The following ASIC2 variants were observed in gnomAD, a reference collection of about 807,000 sequenced individuals.
ASIC2 encodes the protein acid-sensing ion channel 2.
Under a neutral mutation model 57.3 loss-of-function variants are expected in ASIC2, and 25 were observed. That is an observed-to-expected ratio of 0.44 (90% confidence interval 0.32 to 0.61). The LOEUF is 0.61. Among genes scored for constraint, ASIC2 ranks in the 20% least tolerant of loss-of-function variants. The pLI is 0.06. For missense variants in ASIC2, 641 were observed against 738.1 expected (o/e 0.87, Z 1.52); for synonymous variants, 319 against 307.5 (o/e 1.04, Z -0.39).
chr17:33,707,137 T>C (rs1908887526), intron 1 of ASIC2, among the ~76,000 whole-genome samples: 2 of 152,256 alleles, frequency 1.3e-5, no homozygotes. Flanking sequence ...GCTTTTGTTA[T>C]TTCTGATCTC....
At chr17:33,652,686 C>T (rs1380507962) in intron 1 of ASIC2, among the ~76,000 whole-genome samples, 5 of 152,212 alleles carry the variant, frequency 3.3e-5, no homozygotes, top group African/African-American at 4.8e-5. Context: ...CCCTCAACTC[C>T]GTTGCTGATC....
chr17:33,175,430 A>C (rs1905711165), intron 1 of ASIC2, among the ~76,000 whole-genome samples: 1 of 152,044 alleles, frequency 6.6e-6, no homozygotes, highest in African/African-American at 2.4e-5. Flanking sequence ...TTTATTTTTA[A>C]AAGCTCTTCA....
intron 1 of ASIC2, among the ~76,000 whole-genome samples, chr17:33,996,531 T>C (rs1298436100): frequency 6.6e-6 from 1 of 152,206 alleles, no homozygotes; most frequent in Admixed American, 6.5e-5. Flanking sequence ...ATTTTTTACA[T>C]AGTATGAGAT....
chr17:33,284,749 C>T (rs996139909), intron 1 of ASIC2, among the ~76,000 whole-genome samples: 3 of 152,166 alleles, frequency 2.0e-5, no homozygotes, highest in Non-Finnish European at 2.9e-5. Context: ...CCTTGAGCCT[C>T]GGCTTTCTCA....
At chr17:33,380,016 T>C (rs1909422931) in intron 1 of ASIC2, among the ~76,000 whole-genome samples, 1 of 151,538 alleles carries the variant, frequency 6.6e-6, no homozygotes, top group South Asian at 2.1e-4. Flanking sequence ...GAGGCTGAGG[T>C]GGGCAGATCA....
chr17:33,122,331 T>G (rs1202231681), intron 1 of ASIC2, among the ~76,000 whole-genome samples: 1 of 152,122 alleles, frequency 6.6e-6, no homozygotes, highest in Non-Finnish European at 1.5e-5. Flanking sequence ...GAGCACATCT[T>G]AGTCTACGTT....
intron 3 of ASIC2, 123 bp from the exon 4 acceptor site, chr17:33,028,515 A>G: frequency 8.1e-7 from 1 of 1,231,022 alleles, no homozygotes; most frequent in Non-Finnish European, 1.1e-6. Context: ...TAGACCTTCA[A>G]CATCTGGCTC....
intron 1 of ASIC2, among the ~76,000 whole-genome samples, chr17:33,860,916 T>A (rs2141923653): frequency 6.6e-6 from 1 of 152,334 alleles, no homozygotes; most frequent in South Asian, 2.1e-4. Context: ...TAAGGCATGA[T>A]CTCTGTCTTT....
At chr17:33,551,004 G>C (rs952854868) in intron 1 of ASIC2, among the ~76,000 whole-genome samples, 1 of 152,120 alleles carries the variant, frequency 6.6e-6, no homozygotes, top group Non-Finnish European at 1.5e-5. Context: ...ACTTTGTTCT[G>C]TGCAGGATTT....
At chr17:33,365,084 C>G (rs977770275) in intron 1 of ASIC2, among the ~76,000 whole-genome samples, 1 of 152,160 alleles carries the variant, frequency 6.6e-6, no homozygotes, top group African/African-American at 2.4e-5. Flanking sequence ...TTATCATTAC[C>G]CCTCTGCTTC....
chr17:33,503,116 G>A (rs1367088591), intron 1 of ASIC2, among the ~76,000 whole-genome samples: 1 of 152,134 alleles, frequency 6.6e-6, no homozygotes, highest in Admixed American at 6.5e-5. Flanking sequence ...GAAACGTCAA[G>A]GAAGACAATG....
At chr17:34,102,818 A>T (rs1910913609) in intron 1 of ASIC2, among the ~76,000 whole-genome samples, 1 of 152,212 alleles carries the variant, frequency 6.6e-6, no homozygotes, top group South Asian at 2.1e-4. Flanking sequence ...ATTTGTTTGC[A>T]TTTCTCTTGG....
At chr17:33,276,097 G>A (rs1170641086) in intron 1 of ASIC2, among the ~76,000 whole-genome samples, 2 of 152,144 alleles carry the variant, frequency 1.3e-5, no homozygotes, top group African/African-American at 4.8e-5. Context: ...ATGGGAGCAG[G>A]GGAGATTGAC....
intron 1 of ASIC2, among the ~76,000 whole-genome samples, chr17:33,477,363 G>A (rs1029634435): frequency 5.3e-5 from 8 of 152,176 alleles, no homozygotes; most frequent in Non-Finnish European, 1.2e-4. Flanking sequence ...GCTACATGGT[G>A]TGGTAGAAAT....
chr17:33,314,081 G>A lies in ASIC2; in HGVS notation c.556-202014C>T, dbSNP rs1229759116. The stretch of plus-strand genomic sequence containing the variant: ...GGTGGCACTATCACAGAGAGGAAAA[G>A]CAATGGGGTCTGGAGCTAGAGACGT... On this transcript the variant is annotated intron_variant, in intron 1 of 9. Transcript: ENST00000359872. Among the ~76,000 whole-genome samples, 182 of 152,248 alleles carry A rather than the reference G, an allele frequency of 1.2e-3. 3 individuals are homozygous for A. Among genetic ancestry groups the A allele is most frequent in the Non-Finnish European group, 8.8e-5 (6 of 68,022 alleles).
chr17:33,673,624 G>C (rs183340899), intron 1 of ASIC2, among the ~76,000 whole-genome samples: 29 of 152,270 alleles, frequency 1.9e-4, no homozygotes, highest in Non-Finnish European at 3.1e-4. Flanking sequence ...CATGTCCTCT[G>C]TGTCCCTTTC....
At chr17:33,684,881 C>G (rs1476823434) in intron 1 of ASIC2, among the ~76,000 whole-genome samples, 1 of 151,750 alleles carries the variant, frequency 6.6e-6, no homozygotes, top group Admixed American at 6.6e-5. Context: ...GTGTTCTGTA[C>G]GGAGCTGGAA....
At chr17:33,360,766 A>G (rs1477640353) in intron 1 of ASIC2, among the ~76,000 whole-genome samples, 1 of 152,166 alleles carries the variant, frequency 6.6e-6, no homozygotes. Context: ...CCCATATAGA[A>G]GATCTATGGC....
intron 1 of ASIC2, among the ~76,000 whole-genome samples, chr17:34,120,415 T>C (rs1227990680): frequency 6.6e-6 from 1 of 152,104 alleles, no homozygotes; most frequent in African/African-American, 2.4e-5. Context: ...CACACGCATA[T>C]GGCTCATTTA....
Sources: allele counts gnomAD v4.1 joint callset (sites outside exome capture counted in the v4.1 genomes callset), GRCh38; gene constraint gnomAD v4.1.1; transcripts MANE v1.5; gene names NCBI Gene and HGNC (gene_info 2026-07-23, HGNC 2026-07-21).